LYN: variants seen among roughly 807,000 people sequenced by gnomAD.
LYN encodes LYN proto-oncogene, Src family tyrosine kinase.
Under a neutral mutation model 65.0 loss-of-function variants are expected in LYN, and 12 were observed. That is an observed-to-expected ratio of 0.18 (90% CI 0.12 to 0.30). LYN has a LOEUF of 0.30. LYN is among the 10% of genes least tolerant of loss of function. LYN has a pLI of 1.00. For synonymous variants in LYN, 222 were observed against 221.2 expected (o/e 1.00, Z -0.03); for missense variants, 380 against 623.2 (o/e 0.61, Z 4.16).
chr8:55,942,045 C>T lies in LYN; in HGVS notation c.132+54C>T, dbSNP rs1806626911. On this transcript the variant is annotated intron_variant, in intron 2 of 12. Transcript: ENST00000519728. ...CCACAGCAAGATCAAAGCATGGCTA[C>T]ATAATTTAAACACCAGTCTGTAATA... is the stretch of plus-strand genomic sequence containing the variant. The T allele has an allele frequency of 2.1e-5, 33 of 1,590,434 alleles. No individual in the cohort carries two copies. The South Asian group carries it at 3.6e-4, about 17-fold the overall frequency.
chr8:55,950,909 T>G (rs1205305254), intron 6 of LYN, 125 bp downstream of exon 6: 1 of 679,484 alleles, frequency 1.5e-6, no homozygotes, highest in African/African-American at 1.8e-5. Context: ...GTTTTATGGT[T>G]TGATAACAAA....
intron 3 of LYN, among the ~76,000 whole-genome samples, chr8:55,947,015 A>G (rs1429030606): frequency 6.6e-6 from 1 of 152,208 alleles, no homozygotes; most frequent in Non-Finnish European, 1.5e-5. Context: ...TGGGAGGCCA[A>G]GTTAGGTAGA....
chr8:55,939,689 G>T (rs1806545719), intron 1 of LYN, among the ~76,000 whole-genome samples: 1 of 152,202 alleles, frequency 6.6e-6, no homozygotes, highest in African/African-American at 2.4e-5. Flanking sequence ...CGTGCGCAGG[G>T]TCCTCGTGCT....
intron 2 of LYN, among the ~76,000 whole-genome samples, chr8:55,945,035 C>T (rs887467164): frequency 2.6e-5 from 4 of 152,240 alleles, no homozygotes; most frequent in Non-Finnish European, 4.4e-5. Context: ...ATGGCCATAA[C>T]CAACACTCTC....
intron 3 of LYN, among the ~76,000 whole-genome samples, 179 bp downstream of exon 3, chr8:55,946,672 G>T (rs1039380040): frequency 7.9e-5 from 12 of 151,918 alleles, no homozygotes; most frequent in Middle Eastern, 3.2e-3. Context: ...TCACATTGTT[G>T]TACAACCAAT....
At chr8:55,929,269 C>G (rs1328562262) in intron 1 of LYN, among the ~76,000 whole-genome samples, 1 of 152,196 alleles carries the variant, frequency 6.6e-6, no homozygotes, top group African/African-American at 2.4e-5. Context: ...CTTACTGTTT[C>G]TTCCATCTTT....
intron 10 of LYN, among the ~76,000 whole-genome samples, chr8:55,987,406 C>CAAA (rs879257306): frequency 3.7e-5 from 4 of 107,274 alleles, no homozygotes; most frequent in African/African-American, 1.4e-4. Flanking sequence ...GACTTCATCT[C>CAAA]AAAAAAAAAA....
chr8:56,002,690 A>C (rs1421808411), intron 12 of LYN, among the ~76,000 whole-genome samples: 1 of 152,094 alleles, frequency 6.6e-6, no homozygotes, highest in Non-Finnish European at 1.5e-5. Context: ...GGTGAGAATC[A>C]TAAAAATATG....
chr8:55,890,372 G>T (rs150435582), intron 1 of LYN, among the ~76,000 whole-genome samples: 1 of 151,966 alleles, frequency 6.6e-6, no homozygotes, highest in Non-Finnish European at 1.5e-5. Context: ...TAAAAAATGA[G>T]AAATCATGAT....
At chr8:55,904,624 C>T (rs774986532) in intron 1 of LYN, among the ~76,000 whole-genome samples, 4 of 152,132 alleles carry the variant, frequency 2.6e-5, no homozygotes, top group Non-Finnish European at 5.9e-5. Flanking sequence ...GTGGCTCATG[C>T]CTGTAATCCC....
chr8:55,933,819 C>T (rs1412106548), intron 1 of LYN, among the ~76,000 whole-genome samples: 1 of 152,212 alleles, frequency 6.6e-6, no homozygotes, highest in Non-Finnish European at 1.5e-5. Context: ...TGGAAACATT[C>T]TAGTAAATGC....
chr8:55,886,330 C>G (rs1804793006), intron 1 of LYN, among the ~76,000 whole-genome samples: 4 of 150,938 alleles, frequency 2.7e-5, no homozygotes. Context: ...AACCCCTCCT[C>G]CCAGGTTCAA....
intron 1 of LYN, among the ~76,000 whole-genome samples, chr8:55,894,418 T>G (rs1805034674): frequency 6.6e-6 from 1 of 151,354 alleles, no homozygotes; most frequent in South Asian, 2.1e-4. Context: ...CACCCAAACT[T>G]AAGTGCAGTG....
At position 56,008,128 on chromosome 8, in the gene LYN, A is replaced by G. The variant is rs556572064; in HGVS notation, c.1337-1780A>G. ...AGGGAGACTCTGCCTCAAAAAAAAA[A>G]TAAAATAAAATAAAATAAAATAAAA... On this transcript the variant is annotated intron_variant, in intron 12 of 12. Coordinates refer to ENST00000519728, the MANE Select transcript of LYN (RefSeq NM_002350.4). Among the ~76,000 whole-genome samples, 20 of 125,978 alleles carry G rather than the reference A, an allele frequency of 1.6e-4. No individual in the cohort carries two copies. The East Asian group carries it at 4.4e-3, about 28-fold the overall frequency. The allele number at this position is 125,978 out of a possible 152,430, so 82.6% of individuals were successfully genotyped here. A position where few individuals can be genotyped will look rare whatever the true frequency, so the allele number is the denominator to read the frequency against.
chr8:55,886,664 C>T (rs950692008), intron 1 of LYN, among the ~76,000 whole-genome samples: 7 of 152,192 alleles, frequency 4.6e-5, no homozygotes, highest in Admixed American at 3.3e-4. Context: ...GGAACAGCCC[C>T]TCCCCTTAAC....
intron 10 of LYN, among the ~76,000 whole-genome samples, chr8:55,977,102 T>C (rs959389337): frequency 2.0e-5 from 3 of 151,982 alleles, no homozygotes; most frequent in Admixed American, 6.6e-5. Flanking sequence ...GGAGAATCGC[T>C]TGAACCCAGA....
intron 1 of LYN, among the ~76,000 whole-genome samples, chr8:55,925,279 T>A (rs1292764484): frequency 1.3e-5 from 2 of 151,944 alleles, no homozygotes. Context: ...TACACCACCA[T>A]GCCTGGCTAA....
Position 56,010,770 on chromosome 8 carries a change from C to T in LYN, c.*660C>T, listed in dbSNP as rs1214506193. The T allele has an allele frequency of 4.3e-6, 1 of 230,610 alleles. No homozygotes were observed. Among genetic ancestry groups the T allele is most frequent in the Non-Finnish European group, 8.6e-6 (1 of 116,546 alleles). 14.3% of individuals were successfully genotyped at this position (230,610 alleles called of 1,614,324 possible). A position where few individuals can be genotyped will look rare whatever the true frequency, so the allele number is the denominator to read the frequency against. On this transcript the variant is annotated 3_prime_UTR_variant, in exon 13 of 13. Transcript: ENST00000519728. The stretch of plus-strand genomic sequence containing the variant: ...AGTGGCGTGCACATCTCTCTCTCTT[C>T]CAGCAGGAGGAGCCCGTGAGCACGC...
intron 2 of LYN, among the ~76,000 whole-genome samples, chr8:55,944,457 A>G (rs774615840): frequency 2.0e-5 from 3 of 152,136 alleles, no homozygotes; most frequent in South Asian, 2.1e-4. Context: ...TTAAAACACA[A>G]GTTTTTTCGT....
Sources: gnomAD v4.1 joint callset for allele counts (sites outside exome capture counted in the v4.1 genomes callset) on GRCh38, gnomAD v4.1.1 for gene constraint, MANE v1.5 for transcripts, NCBI Gene and HGNC (gene_info 2026-07-23, HGNC 2026-07-21) for gene names.